Variants in OR5D18 observed in about 807,000 individuals in gnomAD.
OR5D18 encodes the protein olfactory receptor family 5 subfamily D member 18.
For missense variants in OR5D18, 394 were observed against 367.3 expected (o/e 1.07, Z -0.59); for synonymous variants, 158 against 152.5 (o/e 1.04, Z -0.27).
In OR5D18 at chr11:55,819,723, T is replaced by C. The variant is rs752914771; in HGVS notation, c.94T>C (p.Phe32Leu). 7 of 1,613,866 alleles carry C rather than the reference T, an allele frequency of 4.3e-6. No homozygotes were observed. The highest frequency in any genetic ancestry group is 4.2e-6 in the Non-Finnish European group (5 of 1,179,910). ...ACTGCAAGTCCCACTCTTCCTGGTT[T>C]TTCTGGCCATCTACAATGTCACTGT... is the stretch of plus-strand genomic sequence containing the variant. ...PELQVPLFLV[F>L]LAIYNVTVLG... The change falls in exon 1 of 1, where the codon TTT becomes CTT. Residue 32 changes from phenylalanine (F) to leucine (L), a missense_variant. Coordinates refer to ENST00000333976, the MANE Select transcript of OR5D18 (RefSeq NM_001001952.1).
At position 55,820,411 on chromosome 11, in the gene OR5D18, G is replaced by C; in HGVS notation, c.782G>C (p.Cys261Ser). 1 of 1,613,540 alleles carries C rather than the reference G, an allele frequency of 6.2e-7. No homozygotes were observed. The highest frequency in any genetic ancestry group is 8.5e-7 in the Non-Finnish European group (1 of 1,179,968). ...CATGGCACCATCCTCTTCCTTTACT[G>C]TGTGCCCAACTCCAAAAACTCCAGG... ...IFHGTILFLY[C>S]VPNSKNSRHT... The change falls in exon 1 of 1, where the codon TGT becomes TCT. Residue 261 changes from cysteine to serine, a missense_variant. Cys to Ser is a moderately radical substitution (Grantham distance 112). Transcript: ENST00000333976.
At position 55,819,668 on chromosome 11, in the gene OR5D18, C is replaced by G; in HGVS notation, c.39C>G (p.Phe13Leu). The G allele has an allele frequency of 6.2e-7, 1 of 1,610,720 alleles. No homozygotes were observed. ...ATAGAAATACAAGTGGGACCACGTT[C>G]ACCCTCTTGGGCTTCTCAGATTACC... is the stretch of plus-strand genomic sequence containing the variant. Reference protein sequence around the residue: ...LTDRNTSGTTFTLLGFSDYPE... With the variant: ...LTDRNTSGTTLTLLGFSDYPE... The change falls in exon 1 of 1, where the codon TTC becomes TTG. Residue 13 changes from phenylalanine to leucine, a missense_variant. By Grantham distance (22) the Phe-to-Leu change is conservative. Coordinates refer to ENST00000333976, the MANE Select transcript of OR5D18 (RefSeq NM_001001952.1).
rs766977383 is a variant in OR5D18 at position 55,820,018 on chromosome 11, C to T, written c.389C>T (p.Pro130Leu). ...GACCGCTTCGTGGCCATTTGCAACC[C>T]TCTGCTCTACACAGTTAACATGTCC... is the stretch of plus-strand genomic sequence containing the variant. The part of the protein sequence containing the change: ...AYDRFVAICN[P>L]LLYTVNMSQK... The change falls in exon 1 of 1, where the codon CCT (proline) becomes CTT (leucine). Residue 130 changes from proline (P) to leucine (L), a missense_variant. Physicochemically the swap from Pro to Leu is moderately conservative, Grantham distance 98. Coordinates refer to ENST00000333976, the MANE Select transcript of OR5D18 (RefSeq NM_001001952.1). The T allele has an allele frequency of 2.5e-6, 4 of 1,613,792 alleles. No homozygotes were observed. The highest frequency in any genetic ancestry group is 3.4e-6 in the Non-Finnish European group (4 of 1,180,034).
chr11:55,820,502 C>T lies in OR5D18; in HGVS notation c.873C>T (p.Tyr291=). Residue 291 remains tyrosine, a synonymous_variant, in exon 1 of 1, where the codon TAC becomes TAT. Coordinates refer to ENST00000333976, the MANE Select transcript of OR5D18 (RefSeq NM_001001952.1). The part of the protein sequence containing the change: ...VVIPMLNPLI[Y]SLRNKDVKDT... ...TCCCCATGTTGAATCCCCTGATCTA[C>T]AGTCTGAGAAATAAAGATGTCAAGG... 1 of 1,613,830 alleles carries T rather than the reference C, an allele frequency of 6.2e-7. No homozygotes were observed. The highest frequency in any genetic ancestry group is 2.2e-5 in the East Asian group (1 of 44,876).
Position 55,819,667 on chromosome 11 carries a change from T to C in OR5D18, c.38T>C (p.Phe13Ser). 2 of 1,611,066 alleles carry C rather than the reference T, an allele frequency of 1.2e-6. No homozygotes were observed. Among genetic ancestry groups the C allele is most frequent in the Non-Finnish European group, 1.7e-6 (2 of 1,178,576 alleles). Residue 13 changes from phenylalanine to serine, a missense_variant, in exon 1 of 1, where the codon TTC becomes TCC. Physicochemically the swap from Phe to Ser is radical, Grantham distance 155. Transcript: ENST00000333976. ...LTDRNTSGTT[F>S]TLLGFSDYPE... ...GATAGAAATACAAGTGGGACCACGT[T>C]CACCCTCTTGGGCTTCTCAGATTAC...
In OR5D18 at chr11:55,820,319, TTCAG is replaced by T. The variant is rs1460274984; in HGVS notation, c.696_699del (p.Ser233GlyfsTer13). 6.2e-7 allele frequency: 1 copy of T among 1,613,820 alleles called. No individual in the cohort carries two copies. Among genetic ancestry groups the T allele is most frequent in the East Asian group, 2.2e-5 (1 of 44,880 alleles). The stretch of plus-strand genomic sequence containing the variant: ...TTGTTGTAACCATCCTCAAGATGCG[TTCAG>T]TCAGTGGGCGCCGCAAAGCCTTCTC... On this transcript the variant is annotated frameshift_variant, in exon 1 of 1. Transcript: ENST00000333976. LOFTEE classifies it low-confidence loss of function (END_TRUNC).
chr11:55,820,437 C>T lies in OR5D18; in HGVS notation c.808C>T (p.His270Tyr), dbSNP rs761012413. 18 of 1,613,840 alleles carry T rather than the reference C, an allele frequency of 1.1e-5. No individual in the cohort carries two copies. The highest frequency in any genetic ancestry group is 1.4e-5 in the Non-Finnish European group (16 of 1,180,000). Residue 270 changes from histidine to tyrosine, a missense_variant, in exon 1 of 1, where the codon CAC becomes TAC. Coordinates refer to ENST00000333976, the MANE Select transcript of OR5D18 (RefSeq NM_001001952.1). ...YCVPNSKNSR[H>Y]TVKVASVFYT... is the part of the protein sequence containing the mutation. Reference sequence around the variant, plus strand: ...TGTGCCCAACTCCAAAAACTCCAGGCACACAGTCAAAGTGGCCTCTGTGTT... The same window carrying T: ...TGTGCCCAACTCCAAAAACTCCAGGTACACAGTCAAAGTGGCCTCTGTGTT...
Position 55,819,700 on chromosome 11 carries a change from T to A in OR5D18, c.71T>A (p.Leu24Gln). ...TTGGGCTTCTCAGATTACCCAGAACTGCAAGTCCCACTCTTCCTGGTTTTT... is the reference window on the plus strand; with the variant it reads ...TTGGGCTTCTCAGATTACCCAGAACAGCAAGTCCCACTCTTCCTGGTTTTT... ...TLLGFSDYPE[L>Q]QVPLFLVFLA... Residue 24 changes from leucine to glutamine, a missense_variant, in exon 1 of 1, where the codon CTG (leucine) becomes CAG (glutamine). Physicochemically the swap from Leu to Gln is moderately radical, Grantham distance 113. Coordinates refer to ENST00000333976, the MANE Select transcript of OR5D18 (RefSeq NM_001001952.1). 6.2e-7 allele frequency: 1 copy of A among 1,613,782 alleles called. No individual in the cohort carries two copies. The highest frequency in any genetic ancestry group is 8.5e-7 in the Non-Finnish European group (1 of 1,179,832).
At position 55,819,949 on chromosome 11, in the gene OR5D18, C is replaced by A. The variant is rs754548034; in HGVS notation, c.320C>A (p.Thr107Asn). 6.2e-7 allele frequency: 1 copy of A among 1,613,892 alleles called. No homozygotes were observed. The highest frequency in any genetic ancestry group is 8.5e-7 in the Non-Finnish European group (1 of 1,179,978). The change falls in exon 1 of 1, where the codon ACC becomes AAC. Residue 107 changes from threonine to asparagine, a missense_variant. Transcript: ENST00000333976. ...GTAGTACAATTCTTTTTCTTCTGTA[C>A]CTTTGTGGTCACTGAATCCTTTTTA... Reference protein sequence around the residue: ...GCVVQFFFFCTFVVTESFLLA... With the variant: ...GCVVQFFFFCNFVVTESFLLA...
Position 55,820,189 on chromosome 11 carries a change from C to G in OR5D18, c.560C>G (p.Ser187Cys). Reference sequence around the variant, plus strand: ...TTCTGTGAGTTCTCCTCACTACTCTCCCTTTCTTGCTCTGATACTTACATC... The same window carrying G: ...TTCTGTGAGTTCTCCTCACTACTCTGCCTTTCTTGCTCTGATACTTACATC... ...HFFCEFSSLL[S>C]LSCSDTYINQ... The change falls in exon 1 of 1, where the codon TCC becomes TGC. Residue 187 changes from serine to cysteine, a missense_variant. Coordinates refer to ENST00000333976, the MANE Select transcript of OR5D18 (RefSeq NM_001001952.1). 1 of 1,613,984 alleles carries G rather than the reference C, an allele frequency of 6.2e-7. No individual in the cohort carries two copies. The highest frequency in any genetic ancestry group is 8.5e-7 in the Non-Finnish European group (1 of 1,179,992).
rs760043655 is a variant in OR5D18, at chr11:55,820,254, A to C, written c.625A>C (p.Ile209Leu). 15 of 1,613,876 alleles carry C rather than the reference A, an allele frequency of 9.3e-6. No homozygotes were observed. The highest frequency in any genetic ancestry group is 1.3e-5 in the Non-Finnish European group (15 of 1,180,034). The change falls in exon 1 of 1, where the codon ATC becomes CTC. Residue 209 changes from isoleucine (I) to leucine (L), a missense_variant. Transcript: ENST00000333976. ...LLFFLATFNEISTLLIVLTSY... is the reference protein window; with the variant it reads ...LLFFLATFNELSTLLIVLTSY... ...ATTCTTTCTTGCCACCTTTAATGAA[A>C]TCAGCACACTACTCATCGTTCTCAC...
rs112309559 is a variant in OR5D18 at position 55,820,333 on chromosome 11, G to T, written c.704G>T (p.Arg235Leu). ...CTCAAGATGCGTTCAGTCAGTGGGCGCCGCAAAGCCTTCTCCACCTGTGCC... is the reference window on the plus strand; with the variant it reads ...CTCAAGATGCGTTCAGTCAGTGGGCTCCGCAAAGCCTTCTCCACCTGTGCC... ...TILKMRSVSG[R>L]RKAFSTCASH... The change falls in exon 1 of 1, where the codon CGC (arginine) becomes CTC (leucine). Residue 235 changes from arginine (R) to leucine (L), a missense_variant. Physicochemically the swap from Arg to Leu is moderately radical, Grantham distance 102. Coordinates refer to ENST00000333976, the MANE Select transcript of OR5D18 (RefSeq NM_001001952.1). 7.4e-6 allele frequency: 12 copies of T among 1,613,582 alleles called. No homozygotes were observed. In the African/African-American group the frequency reaches 9.4e-5, roughly 13 times the overall value.
At position 55,820,003 on chromosome 11, in the gene OR5D18, T is replaced by C. The variant is rs921500013; in HGVS notation, c.374T>C (p.Val125Ala). 1.9e-6 allele frequency: 3 copies of C among 1,613,630 alleles called. No homozygotes were observed. Among genetic ancestry groups the C allele is most frequent in the Non-Finnish European group, 2.5e-6 (3 of 1,179,910 alleles). Residue 125 changes from valine (V) to alanine (A), a missense_variant, in exon 1 of 1, where the codon GTG (valine) becomes GCG (alanine). Physicochemically the swap from Val to Ala is moderately conservative, Grantham distance 64 (BLOSUM62 0). Coordinates refer to ENST00000333976, the MANE Select transcript of OR5D18 (RefSeq NM_001001952.1). ...LLAVMAYDRFVAICNPLLYTV... is the reference protein window; with the variant it reads ...LLAVMAYDRFAAICNPLLYTV... ...GCTGTGATGGCCTATGACCGCTTCG[T>C]GGCCATTTGCAACCCTCTGCTCTAC... is the stretch of plus-strand genomic sequence containing the variant.
Position 55,820,112 on chromosome 11 carries a change from G to A in OR5D18, c.483G>A (p.Thr161=), listed in dbSNP as rs772015163. 7.4e-6 allele frequency: 12 copies of A among 1,613,738 alleles called. No homozygotes were observed. The highest frequency in any genetic ancestry group is 4.0e-5 in the African/African-American group (3 of 74,716). The change falls in exon 1 of 1, where the codon ACG becomes ACA. Residue 161 remains threonine, a synonymous_variant. Transcript: ENST00000333976. ...GAGTCTCATGTTCCTTGGAACTGAC[G>A]TGCTCTGCTTTAAAGTTATGTTTTC... ...AWGVSCSLEL[T]CSALKLCFHG... is the part of the protein sequence containing the mutation.
At position 55,820,499 on chromosome 11, in the gene OR5D18, C is replaced by T. The variant is rs1350877317; in HGVS notation, c.870C>T (p.Ile290=). The change falls in exon 1 of 1, where the codon ATC becomes ATT. Residue 290 remains isoleucine, a synonymous_variant. Transcript: ENST00000333976. ...TVVIPMLNPL[I]YSLRNKDVKD... The stretch of plus-strand genomic sequence containing the variant: ...TGATCCCCATGTTGAATCCCCTGAT[C>T]TACAGTCTGAGAAATAAAGATGTCA... The T allele has an allele frequency of 1.2e-6, 2 of 1,613,788 alleles. No individual in the cohort carries two copies. The highest frequency in any genetic ancestry group is 1.7e-6 in the Non-Finnish European group (2 of 1,179,990).
Position 55,820,193 on chromosome 11 carries a change from T to G in OR5D18, c.564T>G (p.Leu188=). The change falls in exon 1 of 1, where the codon CTT becomes CTG. Residue 188 remains leucine, a synonymous_variant. Coordinates refer to ENST00000333976, the MANE Select transcript of OR5D18 (RefSeq NM_001001952.1). ...GTGAGTTCTCCTCACTACTCTCCCT[T>G]TCTTGCTCTGATACTTACATCAACC... ...FFCEFSSLLS[L]SCSDTYINQW... is the part of the protein sequence containing the mutation. 1 of 1,614,012 alleles carries G rather than the reference T, an allele frequency of 6.2e-7. No homozygotes were observed. The highest frequency in any genetic ancestry group is 1.3e-5 in the African/African-American group (1 of 74,902).
At position 55,819,764 on chromosome 11, in the gene OR5D18, G is replaced by A; in HGVS notation, c.135G>A (p.Gly45=). 6.2e-7 allele frequency: 1 copy of A among 1,613,750 alleles called. No homozygotes were observed. The highest frequency in any genetic ancestry group is 8.5e-7 in the Non-Finnish European group (1 of 1,179,888). Residue 45 remains glycine, a synonymous_variant, in exon 1 of 1, where the codon GGG becomes GGA. Coordinates refer to ENST00000333976, the MANE Select transcript of OR5D18 (RefSeq NM_001001952.1). ...ATGTCACTGTGCTAGGGAATATTGG[G>A]TTGATTGTGATCATCAAAATCAACC... The part of the protein sequence containing the change: ...IYNVTVLGNI[G]LIVIIKINPK...
chr11:55,820,004 G>A lies in OR5D18; in HGVS notation c.375G>A (p.Val125=), dbSNP rs1456887245. ...CTGTGATGGCCTATGACCGCTTCGTGGCCATTTGCAACCCTCTGCTCTACA... is the reference window on the plus strand; with the variant it reads ...CTGTGATGGCCTATGACCGCTTCGTAGCCATTTGCAACCCTCTGCTCTACA... ...LLAVMAYDRF[V]AICNPLLYTV... The change falls in exon 1 of 1, where the codon GTG becomes GTA. Residue 125 remains valine, a synonymous_variant. Transcript: ENST00000333976. 8 of 1,613,502 alleles carry A rather than the reference G, an allele frequency of 5.0e-6. No homozygotes were observed. Among genetic ancestry groups the A allele is most frequent in the Non-Finnish European group, 6.8e-6 (8 of 1,179,904 alleles).
rs777092558 is a variant in OR5D18, at chr11:55,820,354, G to A, written c.725G>A (p.Cys242Tyr). Residue 242 changes from cysteine (C) to tyrosine (Y), a missense_variant, in exon 1 of 1, where the codon TGT (cysteine) becomes TAT (tyrosine). Coordinates refer to ENST00000333976, the MANE Select transcript of OR5D18 (RefSeq NM_001001952.1). ...GGGCGCCGCAAAGCCTTCTCCACCT[G>A]TGCCTCCCACCTGACTGCCATCACC... ...VSGRRKAFST[C>Y]ASHLTAITIF... 8.1e-6 allele frequency: 13 copies of A among 1,613,720 alleles called. No individual in the cohort carries two copies. Among genetic ancestry groups the A allele is most frequent in the Non-Finnish European group, 1.0e-5 (12 of 1,179,992 alleles).
Sources: allele counts gnomAD v4.1 joint callset, GRCh38; gene constraint gnomAD v4.1.1; transcripts MANE v1.5; gene names NCBI Gene and HGNC (gene_info 2026-07-23, HGNC 2026-07-21).